RAB3C: variants seen among roughly 807,000 people sequenced by gnomAD.
RAB3C encodes ras-related protein Rab-3C.
A neutral mutation model predicts 26.4 loss-of-function variants in RAB3C; 17 were observed. The observed-to-expected ratio is 0.64, with a 90% CI of 0.44 to 0.97. The LOEUF (loss-of-function observed/expected upper bound fraction) is 0.97, where lower values mean the gene tolerates loss of function less well. Ranked by LOEUF, RAB3C falls within the 50% of genes least tolerant of loss-of-function variation. The pLI is 0.00. For missense variants in RAB3C, 242 were observed against 281.9 expected (o/e 0.86, Z 1.01); for synonymous variants, 91 against 95.9 (o/e 0.95, Z 0.30).
chr5:58,831,966 T>A (rs576750144), intron 4 of RAB3C, among the ~76,000 whole-genome samples: 11 of 152,216 alleles, frequency 7.2e-5, no homozygotes, highest in Admixed American at 2.0e-4. Flanking sequence ...GACAACAGTA[T>A]GTTTTTTAAG....
chr5:58,648,342 C>A (rs1156323149), intron 2 of RAB3C, among the ~76,000 whole-genome samples: 1 of 152,176 alleles, frequency 6.6e-6, no homozygotes, highest in East Asian at 1.9e-4. Context: ...CCCGTAGATT[C>A]TGTGCTGTGT....
rs190958852 is a variant in RAB3C at position 58,660,042 on chromosome 5, C to G, written c.252+42172C>G. 3.2e-3 allele frequency among the ~76,000 whole-genome samples: 459 copies of G among 142,308 alleles called. 18 individuals are homozygous for G. The highest frequency in any genetic ancestry group is 0.013 in the African/African-American group (417 of 32,242). The allele number at this position is 142,308 out of a possible 152,430, so 93.4% of individuals were successfully genotyped here. A position where few individuals can be genotyped will look rare whatever the true frequency, so the allele number is the denominator to read the frequency against. On this transcript the variant is annotated intron_variant, in intron 2 of 4. Coordinates refer to ENST00000282878, the MANE Select transcript of RAB3C (RefSeq NM_138453.4). ...CTAGTCTTGAATTCTTGAACTCAAGCAATCCGCCCGCCTCGGCCTCCCAAA... is the reference window on the plus strand; with the variant it reads ...CTAGTCTTGAATTCTTGAACTCAAGGAATCCGCCCGCCTCGGCCTCCCAAA...
Position 58,723,682 on chromosome 5 carries a change from G to T in RAB3C, c.253-2320G>T, listed in dbSNP as rs540685547. 1.7e-4 allele frequency among the ~76,000 whole-genome samples: 26 copies of T among 151,854 alleles called. No homozygotes were observed. The East Asian group carries it at 2.7e-3, about 16-fold the overall frequency. Reference sequence around the variant, plus strand: ...CTTCCCAATAGTGACCTTATGAGACGTTAATTTCATTTTGATGGTAAAGGG... The same window carrying T: ...CTTCCCAATAGTGACCTTATGAGACTTTAATTTCATTTTGATGGTAAAGGG... On this transcript the variant is annotated intron_variant, in intron 2 of 4. Coordinates refer to ENST00000282878, the MANE Select transcript of RAB3C (RefSeq NM_138453.4).
intron 3 of RAB3C, among the ~76,000 whole-genome samples, chr5:58,819,638 G>A (rs979849129): frequency 6.6e-6 from 1 of 152,212 alleles, no homozygotes; most frequent in African/African-American, 2.4e-5. Context: ...ACTTTGGGAG[G>A]CCGAGGCAGG....
intron 3 of RAB3C, among the ~76,000 whole-genome samples, chr5:58,806,571 G>C (rs1742943917): frequency 1.3e-5 from 2 of 152,260 alleles, no homozygotes; most frequent in East Asian, 3.9e-4. Context: ...TTTCTCAACT[G>C]TGACACTATG....
intron 2 of RAB3C, among the ~76,000 whole-genome samples, chr5:58,719,219 T>A (rs1238226166): frequency 6.6e-6 from 1 of 152,052 alleles, no homozygotes; most frequent in African/African-American, 2.4e-5. Context: ...TAATAGGACA[T>A]ACATTAGAAT....
intron 1 of RAB3C, among the ~76,000 whole-genome samples, chr5:58,587,429 G>T (rs967401108): frequency 5.9e-5 from 9 of 152,040 alleles, no homozygotes; most frequent in African/African-American, 2.2e-4. Context: ...TTAAATTAAT[G>T]TGGCTCAGAG....
At chr5:58,774,911 T>C (rs532781743) in intron 3 of RAB3C, among the ~76,000 whole-genome samples, 61 of 152,074 alleles carry the variant, frequency 4.0e-4, no homozygotes, top group Non-Finnish European at 7.5e-4. Context: ...GACCAGATCT[T>C]GAGGGCCTTG....
chr5:58,676,002 T>A (rs1748217510), intron 2 of RAB3C, among the ~76,000 whole-genome samples: 1 of 152,108 alleles, frequency 6.6e-6, no homozygotes, highest in Admixed American at 6.5e-5. Flanking sequence ...CTGGCACAGC[T>A]TGGCTCTTTG....
chr5:58,597,211 T>TAAATATTATATAATATATACTACAC (rs1746328713), intron 1 of RAB3C, among the ~76,000 whole-genome samples: 1 of 4,492 alleles, frequency 2.2e-4, no homozygotes, highest in Non-Finnish European at 1.6e-3. Context: ...ATATACTACA[T>TAAATATTATATAATATATACTACAC]AAATATTATA....
rs1216391214 is a variant in RAB3C, at chr5:58,855,420, A to T, written c.*4069A>T. ...GTCCGTCTGAAGAACCCTTTCTCTC[A>T]CAATTACAGTTTGCATGACTAGAAC... On this transcript the variant is annotated 3_prime_UTR_variant, in exon 5 of 5. Coordinates refer to ENST00000282878, the MANE Select transcript of RAB3C (RefSeq NM_138453.4). The T allele has an allele frequency of 6.6e-6, 1 of 152,190 alleles. No homozygotes were observed. Among genetic ancestry groups the T allele is most frequent in the African/African-American group, 2.4e-5 (1 of 41,444 alleles). The allele number at this position is 152,190 out of a possible 1,614,324, so 9.4% of individuals were successfully genotyped here. A position where few individuals can be genotyped will look rare whatever the true frequency, so the allele number is the denominator to read the frequency against.
intron 2 of RAB3C, among the ~76,000 whole-genome samples, chr5:58,692,262 C>T (rs550192837): frequency 1.8e-4 from 27 of 151,836 alleles, no homozygotes; most frequent in African/African-American, 6.3e-4. Flanking sequence ...TTTGTTCAAA[C>T]GTTTCGATAA....
chr5:58,768,684 A>C (rs1196252607), intron 3 of RAB3C, among the ~76,000 whole-genome samples: 2 of 151,856 alleles, frequency 1.3e-5, no homozygotes, highest in Non-Finnish European at 2.9e-5. Flanking sequence ...TCTCAGGTGA[A>C]GGGAACAGCA....
intron 3 of RAB3C, among the ~76,000 whole-genome samples, chr5:58,820,852 G>T (rs1343157310): frequency 6.6e-6 from 1 of 152,080 alleles, no homozygotes; most frequent in Non-Finnish European, 1.5e-5. Flanking sequence ...AGGGAATGTT[G>T]TATGTGCATA....
chr5:58,843,553 C>T (rs550649134), intron 4 of RAB3C, among the ~76,000 whole-genome samples: 2 of 152,308 alleles, frequency 1.3e-5, no homozygotes, highest in East Asian at 3.9e-4. Flanking sequence ...ATAAATGATC[C>T]TTATCTCTTT....
Position 58,854,526 on chromosome 5 carries a change from C to T in RAB3C, c.*3175C>T, listed in dbSNP as rs955860333. The T allele has an allele frequency of 6.6e-6, 1 of 152,142 alleles. No individual in the cohort carries two copies. Among genetic ancestry groups the T allele is most frequent in the Non-Finnish European group, 1.5e-5 (1 of 68,022 alleles). The allele number at this position is 152,142 out of a possible 1,614,324, so 9.4% of individuals were successfully genotyped here. ...AAGATGGCAGTTTGAATGTTAGCAT[C>T]GCATCTACATGCTCATAAGAGGAAT... On this transcript the variant is annotated 3_prime_UTR_variant, in exon 5 of 5. Coordinates refer to ENST00000282878, the MANE Select transcript of RAB3C (RefSeq NM_138453.4).
At chr5:58,785,210 A>T (rs1240286855) in intron 3 of RAB3C, among the ~76,000 whole-genome samples, 1 of 152,238 alleles carries the variant, frequency 6.6e-6, no homozygotes, top group Non-Finnish European at 1.5e-5. Context: ...GCACGATGGA[A>T]ACGTCTACGG....
intron 2 of RAB3C, among the ~76,000 whole-genome samples, chr5:58,693,046 G>A (rs1748602709): frequency 2.0e-5 from 3 of 151,526 alleles, no homozygotes; most frequent in African/African-American, 7.3e-5. Context: ...GGCAGAGGTT[G>A]CAGTGAGCCT....
rs183627842 is a variant in RAB3C at position 58,603,549 on chromosome 5, G to C, written c.25-14094G>C. Among the ~76,000 whole-genome samples, 421 of 152,170 alleles carry C rather than the reference G, an allele frequency of 2.8e-3. 1 individual carries two copies. Among genetic ancestry groups the C allele is most frequent in the African/African-American group, 9.1e-3 (379 of 41,524 alleles). On this transcript the variant is annotated intron_variant, in intron 1 of 4. Coordinates refer to ENST00000282878, the MANE Select transcript of RAB3C (RefSeq NM_138453.4). ...CTTTGTTGGATTGGGTTAATTCAAA[G>C]ACCTTGTCTTCAAGCTCTGAATTTC...
Sources: gnomAD v4.1 joint callset for allele counts (sites outside exome capture counted in the v4.1 genomes callset) on GRCh38, gnomAD v4.1.1 for gene constraint, MANE v1.5 for transcripts, NCBI Gene and HGNC (gene_info 2026-07-23, HGNC 2026-07-21) for gene names.